TMEM117: variants seen among roughly 807,000 people sequenced by gnomAD.
The protein encoded by TMEM117 is transmembrane protein 117.
TMEM117 carries 27 observed loss-of-function variants against 52.4 expected under a neutral mutation model. The ratio of observed to expected loss-of-function variants is 0.51; its 90% CI spans 0.38 to 0.71. The LOEUF (loss-of-function observed/expected upper bound fraction) is 0.71, where lower values mean the gene tolerates loss of function less well. TMEM117 is among the 30% of genes least tolerant of loss of function. The pLI, the probability that TMEM117 is intolerant of heterozygous loss-of-function variation, is 0.00. For synonymous variants in TMEM117, 215 were observed against 206.3 expected, an observed-to-expected ratio of 1.04 and a Z score of -0.36; for missense variants, 556 against 630.5, an observed-to-expected ratio of 0.88 and a Z score of 1.26.
intron 2 of TMEM117, among the ~76,000 whole-genome samples, chr12:43,850,287 GA>G (rs1943283773): frequency 6.6e-6 from 1 of 152,198 alleles, no homozygotes; most frequent in South Asian, 2.1e-4. Context: ...GGGTTGATCA[GA>G]AGTCAACATG....
At chr12:44,382,296 G>A (rs1210075371) in intron 7 of TMEM117, among the ~76,000 whole-genome samples, 2 of 152,038 alleles carry the variant, frequency 1.3e-5, no homozygotes, top group Non-Finnish European at 1.5e-5. Flanking sequence ...GCCAGAGGAA[G>A]GACTCGAAAT....
In TMEM117 at chr12:44,139,958, T is replaced by C. The variant is rs568896885; in HGVS notation, c.411-3567T>C. On this transcript the variant is annotated intron_variant, in intron 3 of 7. Coordinates refer to ENST00000266534, the MANE Select transcript of TMEM117 (RefSeq NM_032256.3). ...AATGAATGAAATAGTAGCTGAAAAT[T>C]TTTATGACAGGTCTGCATATTTGTA... Among the ~76,000 whole-genome samples the C allele has an allele frequency of 6.6e-5, 10 of 152,276 alleles. 1 individual carries two copies. The East Asian group carries it at 7.7e-4, about 12-fold the overall frequency.
In TMEM117 at chr12:44,152,767, A is replaced by C. The variant is rs1215093923; in HGVS notation, c.510+9143A>C. Among the ~76,000 whole-genome samples, 4 of 140,848 alleles carry C rather than the reference A, an allele frequency of 2.8e-5. No individual in the cohort carries two copies. In the East Asian group the frequency reaches 6.2e-4, roughly 22 times the overall value. The allele number at this position is 140,848 out of a possible 152,430, so 92.4% of individuals were successfully genotyped here. A position where few individuals can be genotyped will look rare whatever the true frequency, so the allele number is the denominator to read the frequency against. ...TAATTATATTTATAATGTATATAAT[A>C]TAAATATAAATATGGTGTCACATAA... On this transcript the variant is annotated intron_variant, in intron 4 of 7. Transcript: ENST00000266534.
chr12:44,012,222 T>C (rs1490980374), intron 3 of TMEM117, among the ~76,000 whole-genome samples: 1 of 152,108 alleles, frequency 6.6e-6, no homozygotes, highest in African/African-American at 2.4e-5. Context: ...TAAGATTTTT[T>C]TCCTTATCTT....
Position 43,944,301 on chromosome 12 carries a change from T to G in TMEM117, c.369T>G (p.Ser123=). The G allele has an allele frequency of 1.2e-6, 2 of 1,613,108 alleles. No homozygotes were observed. The highest frequency in any genetic ancestry group is 1.1e-5 in the South Asian group (1 of 91,032). ...CAATTCTCTTTCTCTTCATATTTTCTCACATATACAACACGATTCTTCTAA... is the reference window on the plus strand; with the variant it reads ...CAATTCTCTTTCTCTTCATATTTTCGCACATATACAACACGATTCTTCTAA... ...FSTILFLFIF[S]HIYNTILLMD... Residue 123 remains serine (S), a synonymous_variant, in exon 3 of 8, where the codon TCT becomes TCG. Coordinates refer to ENST00000266534, the MANE Select transcript of TMEM117 (RefSeq NM_032256.3).
At chr12:44,387,763 G>C (rs1022389964) in intron 7 of TMEM117, among the ~76,000 whole-genome samples, 11 of 152,044 alleles carry the variant, frequency 7.2e-5, no homozygotes, top group Admixed American at 7.2e-4. Flanking sequence ...ATAAAACAAG[G>C]AGACTTAATC....
chr12:44,026,457 C>A (rs1230196647), intron 3 of TMEM117, among the ~76,000 whole-genome samples: 1 of 152,164 alleles, frequency 6.6e-6, no homozygotes, highest in Non-Finnish European at 1.5e-5. Context: ...TCACATGTCA[C>A]CTTCTCACTG....
chr12:44,043,725 A>C (rs1199650379), intron 3 of TMEM117, among the ~76,000 whole-genome samples: 1 of 152,130 alleles, frequency 6.6e-6, no homozygotes, highest in Non-Finnish European at 1.5e-5. Flanking sequence ...GGCCCCTGGA[A>C]GTGAGGTTGA....
chr12:44,335,256 G>GTCTCC (rs1951326142), intron 6 of TMEM117, among the ~76,000 whole-genome samples: 1 of 151,854 alleles, frequency 6.6e-6, no homozygotes, highest in Non-Finnish European at 1.5e-5. Flanking sequence ...CAGAAATATG[G>GTCTCC]AGACATTAGT....
chr12:43,819,779 AAAG>A, the TMEM117 span, among the ~76,000 whole-genome samples: 3 of 152,074 alleles, frequency 2.0e-5, no homozygotes, highest in Admixed American at 2.0e-4. Context: ...TGTCAAAAAA[AAAG>A]AGAGAAAGAG....
chr12:44,163,733 A>G (rs1418100713), intron 4 of TMEM117, among the ~76,000 whole-genome samples: 1 of 152,186 alleles, frequency 6.6e-6, no homozygotes, highest in African/African-American at 2.4e-5. Context: ...TTTTAAGAGC[A>G]TTGTTGGATT....
At chr12:43,989,041 C>G (rs1033756066) in intron 3 of TMEM117, among the ~76,000 whole-genome samples, 13 of 152,020 alleles carry the variant, frequency 8.6e-5, no homozygotes, top group African/African-American at 3.1e-4. Flanking sequence ...GAGAAACTAT[C>G]ATTTTTCAAT....
At chr12:44,000,272 G>A (rs1486368364) in intron 3 of TMEM117, among the ~76,000 whole-genome samples, 1 of 152,184 alleles carries the variant, frequency 6.6e-6, no homozygotes, top group Non-Finnish European at 1.5e-5. Context: ...GTTTCTCTTG[G>A]ATAGGTCTGG....
intron 4 of TMEM117, among the ~76,000 whole-genome samples, chr12:44,202,398 G>C (rs896522456): frequency 2.2e-5 from 3 of 135,360 alleles, no homozygotes; most frequent in Admixed American, 6.8e-5. Context: ...AGATGATCAC[G>C]TGGTAACTTT....
chr12:44,173,116 C>G (rs1949071384), intron 4 of TMEM117, among the ~76,000 whole-genome samples: 1 of 152,152 alleles, frequency 6.6e-6, no homozygotes, highest in South Asian at 2.1e-4. Flanking sequence ...TACTCTGTCA[C>G]CCAGGTTGGA....
At chr12:44,036,295 C>A (rs914712653) in intron 3 of TMEM117, among the ~76,000 whole-genome samples, 2 of 152,162 alleles carry the variant, frequency 1.3e-5, no homozygotes, top group Non-Finnish European at 2.9e-5. Flanking sequence ...CAGTTTTCTA[C>A]CTACCACTCA....
chr12:44,224,198 A>T (rs939675898), intron 5 of TMEM117, among the ~76,000 whole-genome samples: 2 of 152,132 alleles, frequency 1.3e-5, no homozygotes, highest in African/African-American at 4.8e-5. Context: ...GCATGCACAT[A>T]CAAACATATA....
At chr12:43,905,318 A>C (rs1944367937) in intron 2 of TMEM117, among the ~76,000 whole-genome samples, 1 of 152,130 alleles carries the variant, frequency 6.6e-6, no homozygotes, top group East Asian at 1.9e-4. Context: ...TATTCTTTCT[A>C]TTCATTCTCT....
chr12:43,850,365 C>T (rs76240216), intron 2 of TMEM117, among the ~76,000 whole-genome samples: 5,708 of 152,298 alleles, frequency 0.037, 268 homozygotes, highest in African/African-American at 0.1. Context: ...AAGCTAAACT[C>T]CTTTGATTGA....
Sources: allele counts gnomAD v4.1 joint callset (sites outside exome capture counted in the v4.1 genomes callset), GRCh38; gene constraint gnomAD v4.1.1; transcripts MANE v1.5; gene names NCBI Gene and HGNC (gene_info 2026-07-23, HGNC 2026-07-21).